Variants in FAM178B observed in about 807,000 individuals in gnomAD.
FAM178B encodes the protein family with sequence similarity 178 member B.
A neutral mutation model predicts 91.7 loss-of-function variants in FAM178B; 82 were observed. The observed-to-expected ratio is 0.89, with a 90% CI of 0.75 to 1.07. FAM178B has a LOEUF of 1.07. FAM178B is among the 50% of genes least tolerant of loss of function. The probability of loss-of-function intolerance (pLI) is 0.00; values close to 1 mark genes in which losing one functional copy is unlikely to be tolerated. For missense variants in FAM178B, 769 were observed against 846.7 expected (o/e 0.91, Z 1.14); for synonymous variants, 368 against 359.4 (o/e 1.02, Z -0.27).
At chr2:96,907,096 C>T (rs2081071343) in intron 12 of FAM178B, among the ~76,000 whole-genome samples, 1 of 152,022 alleles carries the variant, frequency 6.6e-6, no homozygotes, top group African/African-American at 2.4e-5. Flanking sequence ...CCACAAGAAG[C>T]ACCAAGAGGG....
At chr2:96,955,243 G>A (rs2081982716) in intron 6 of FAM178B, among the ~76,000 whole-genome samples, 1 of 152,152 alleles carries the variant, frequency 6.6e-6, no homozygotes, top group Non-Finnish European at 1.5e-5. Flanking sequence ...GGGTGCGGTG[G>A]CTCACGCCTG....
chr2:96,929,104 G>A, intron 9 of FAM178B, 102 bp downstream of exon 9: 1 of 840,012 alleles, frequency 1.2e-6, no homozygotes, highest in South Asian at 1.5e-5. Context: ...GCCGCAGTGA[G>A]CTATGATTAT....
chr2:96,897,152 C>T (rs1215276032), intron 13 of FAM178B, among the ~76,000 whole-genome samples: 1 of 152,188 alleles, frequency 6.6e-6, no homozygotes, highest in Admixed American at 6.5e-5. Context: ...GAGGAGTGAG[C>T]CACAGCGCTT....
At chr2:96,934,555 T>C (rs1286977608) in intron 8 of FAM178B, among the ~76,000 whole-genome samples, 1 of 152,108 alleles carries the variant, frequency 6.6e-6, no homozygotes, top group Non-Finnish European at 1.5e-5. Context: ...CTATGACATA[T>C]CCATTTCCTA....
At chr2:96,885,919 G>A (rs1191347448) in intron 14 of FAM178B, among the ~76,000 whole-genome samples, 1 of 152,206 alleles carries the variant, frequency 6.6e-6, no homozygotes, top group Non-Finnish European at 1.5e-5. Context: ...GTGTGAGCGT[G>A]TAGAGTGGAG....
At chr2:96,972,440 G>C in intron 2 of FAM178B, 98 bp downstream of exon 2, 1 of 1,491,868 alleles carries the variant, frequency 6.7e-7, no homozygotes, top group Non-Finnish European at 9.1e-7. Context: ...GGTTGCTGTG[G>C]GAAGGATGCA....
At chr2:96,911,269 G>A (rs1165793435) in intron 12 of FAM178B, among the ~76,000 whole-genome samples, 1 of 152,198 alleles carries the variant, frequency 6.6e-6, no homozygotes, top group African/African-American at 2.4e-5. Flanking sequence ...CCTGCAACAA[G>A]GGCTGCTCGA....
intron 9 of FAM178B, among the ~76,000 whole-genome samples, chr2:96,928,015 G>A (rs901940957): frequency 6.6e-6 from 1 of 152,252 alleles, no homozygotes; most frequent in Non-Finnish European, 1.5e-5. Flanking sequence ...AAAGGGGCAG[G>A]AGCACGGCAG....
intron 7 of FAM178B, among the ~76,000 whole-genome samples, chr2:96,948,945 C>T (rs890671842): frequency 1.3e-5 from 2 of 152,128 alleles, no homozygotes; most frequent in African/African-American, 4.8e-5. Context: ...TTCCCAAGCA[C>T]GCCCCCCCCA....
chr2:96,886,792 C>T (rs115116644), intron 14 of FAM178B, among the ~76,000 whole-genome samples: 2 of 152,208 alleles, frequency 1.3e-5, no homozygotes, highest in Admixed American at 6.5e-5. Flanking sequence ...TGGCCGTCTT[C>T]GGTGCACAGC....
At chr2:96,879,225 C>T (rs1273569502) in intron 14 of FAM178B, among the ~76,000 whole-genome samples, 1 of 152,228 alleles carries the variant, frequency 6.6e-6, no homozygotes, top group Non-Finnish European at 1.5e-5. Flanking sequence ...CGCAGGTGCG[C>T]CCCTCCACTC....
At chr2:96,924,871 C>T (rs1281121814) in intron 9 of FAM178B, among the ~76,000 whole-genome samples, 1 of 152,046 alleles carries the variant, frequency 6.6e-6, no homozygotes, top group African/African-American at 2.4e-5. Flanking sequence ...CCTACAGCTC[C>T]TGTGAAGTCT....
At chr2:96,930,932 A>G (rs2081529386) in intron 8 of FAM178B, among the ~76,000 whole-genome samples, 1 of 152,190 alleles carries the variant, frequency 6.6e-6, no homozygotes, top group South Asian at 2.1e-4. Context: ...GGCAGAGAGC[A>G]GCTCTCACCA....
intron 10 of FAM178B, 145 bp from the exon 11 acceptor site, chr2:96,921,799 T>C (rs1052319764): frequency 2.5e-6 from 2 of 799,620 alleles, no homozygotes; most frequent in Non-Finnish European, 4.0e-6. Context: ...CAGGAAACAG[T>C]GAGGCCCCTG....
chr2:96,951,359 G>T lies in FAM178B; in HGVS notation c.993+20C>A. 1.3e-6 allele frequency: 2 copies of T among 1,530,660 alleles called. No individual in the cohort carries two copies. Among genetic ancestry groups the T allele is most frequent in the Non-Finnish European group, 1.8e-6 (2 of 1,128,592 alleles). The allele number at this position is 1,530,660 out of a possible 1,614,324, so 94.8% of individuals were successfully genotyped here. On this transcript the variant is annotated intron_variant, in intron 7 of 16. Transcript: ENST00000490605. ...GACTGCAGCGCTCCCGCCACCTAGT[G>T]GCAGGCCTGCGGTCCTCACCTGGAA...
At position 96,877,893 on chromosome 2, in the gene FAM178B, G is replaced by A; in HGVS notation, c.2004C>T (p.Pro668=). 1 of 1,612,804 alleles carries A rather than the reference G, an allele frequency of 6.2e-7. No homozygotes were observed. Among genetic ancestry groups the A allele is most frequent in the Non-Finnish European group, 8.5e-7 (1 of 1,179,960 alleles). ...TGGGGGCTAGAGGGGGCACCACCTG[G>A]GGCTGGCAGTGGGTCAGCAGCTCCT... ...RWQELLTHCQ[P]QAQYFSPWKD... Residue 668 remains proline, a synonymous_variant, in exon 16 of 17, where the codon CCC becomes CCT. Coordinates refer to ENST00000490605, the MANE Select transcript of FAM178B (RefSeq NM_001122646.3).
In FAM178B at chr2:96,897,012, G is replaced by GT. The variant is rs2080837564; in HGVS notation, c.1651-2962_1651-2961insA. On this transcript the variant is annotated intron_variant, in intron 13 of 16. Transcript: ENST00000490605. ...CTCCCGAGTAGCTGGGATTACAGGC[G>GT]GCCACCACCACGTCCAGCTAATTTT... Among the ~76,000 whole-genome samples, 3 of 152,204 alleles carry GT rather than the reference G, an allele frequency of 2.0e-5. No individual in the cohort carries two copies. In the East Asian group the frequency reaches 5.8e-4, roughly 29 times the overall value.
intron 12 of FAM178B, among the ~76,000 whole-genome samples, chr2:96,910,501 G>A (rs1255581797): frequency 2.0e-5 from 3 of 152,202 alleles, no homozygotes; most frequent in Non-Finnish European, 4.4e-5. Context: ...GTCTGCATCA[G>A]GGCTAACGTT....
intron 6 of FAM178B, 49 bp downstream of exon 6, chr2:96,960,239 G>A (rs1029310385): frequency 1.9e-6 from 3 of 1,541,230 alleles, no homozygotes; most frequent in Non-Finnish European, 1.8e-6. Flanking sequence ...AGGAGGGAGG[G>A]GTCCTGGACA....
Sources: allele counts gnomAD v4.1 joint callset (sites outside exome capture counted in the v4.1 genomes callset), GRCh38; gene constraint gnomAD v4.1.1; transcripts MANE v1.5; gene names NCBI Gene and HGNC (gene_info 2026-07-23, HGNC 2026-07-21).